DTL: variants seen among roughly 807,000 people sequenced by gnomAD.
DTL encodes the protein denticleless protein homolog.
Under a neutral mutation model 87.0 loss-of-function variants are expected in DTL, and 46 were observed. The observed-to-expected ratio is 0.53, with a 90% CI of 0.42 to 0.68. The LOEUF is 0.68. DTL is among the 30% of genes least tolerant of loss of function. DTL has a pLI of 0.00. For missense variants in DTL, 737 were observed against 869.4 expected (o/e 0.85, Z 1.91); for synonymous variants, 308 against 311.2 (o/e 0.99, Z 0.11).
chr1:212,093,908 C>T (rs894540290), intron 13 of DTL, among the ~76,000 whole-genome samples: 9 of 152,280 alleles, frequency 5.9e-5, no homozygotes, highest in Middle Eastern at 3.4e-3. Flanking sequence ...CACTTCCCTT[C>T]CCCCATTCCG....
chr1:212,060,722 G>A, intron 5 of DTL, among the ~76,000 whole-genome samples: 1 of 143,142 alleles, frequency 7.0e-6, no homozygotes. Context: ...TTGACACAGT[G>A]AGACTCAGTC....
intron 13 of DTL, among the ~76,000 whole-genome samples, chr1:212,094,752 A>G (rs550540206): frequency 6.6e-6 from 1 of 152,052 alleles, no homozygotes; most frequent in Non-Finnish European, 1.5e-5. Context: ...GTGTTTTTCC[A>G]TTTGTTTGTG....
Position 212,067,406 on chromosome 1 carries a change from A to G in DTL, c.713+521A>G, listed in dbSNP as rs78687580. On this transcript the variant is annotated intron_variant, in intron 8 of 14. Coordinates refer to ENST00000366991, the MANE Select transcript of DTL (RefSeq NM_016448.4). ...TAGTCTGAATTCTTGGCTTCCAAAT[A>G]AGTCTGCTCTGTGATGCTTGTTGAT... Among the ~76,000 whole-genome samples the G allele has an allele frequency of 4.3e-3, 660 of 152,308 alleles. 4 individuals are homozygous for G. Among genetic ancestry groups the G allele is most frequent in the African/African-American group, 0.015 (637 of 41,578 alleles).
intron 5 of DTL, among the ~76,000 whole-genome samples, chr1:212,058,421 C>T (rs912190287): frequency 2.6e-5 from 4 of 151,880 alleles, no homozygotes; most frequent in Admixed American, 6.6e-5. Flanking sequence ...ACTACAAATA[C>T]GTGGAAATTA....
intron 10 of DTL, among the ~76,000 whole-genome samples, chr1:212,069,790 C>A (rs1654617748): frequency 6.6e-6 from 1 of 151,894 alleles, no homozygotes; most frequent in Non-Finnish European, 1.5e-5. Flanking sequence ...ATGATCCACC[C>A]ACCTCAGCCT....
At chr1:212,065,692 T>C (rs1164385711) in intron 7 of DTL, among the ~76,000 whole-genome samples, 1 of 152,202 alleles carries the variant, frequency 6.6e-6, no homozygotes, top group Non-Finnish European at 1.5e-5. Context: ...GTTTTCGTAA[T>C]ACAAACTACA....
At chr1:212,037,646 A>G (rs1162976014) in intron 1 of DTL, among the ~76,000 whole-genome samples, 2 of 152,262 alleles carry the variant, frequency 1.3e-5, no homozygotes, top group African/African-American at 4.8e-5. Context: ...AGTACTTTTA[A>G]TATTAAATGT....
At chr1:212,076,797 G>C (rs773679042) in intron 11 of DTL, among the ~76,000 whole-genome samples, 3 of 152,180 alleles carry the variant, frequency 2.0e-5, no homozygotes, top group Non-Finnish European at 4.4e-5. Context: ...TCTAAAATAT[G>C]TTACATTGTG....
chr1:212,096,033 AT>A (rs1655435748), intron 13 of DTL, among the ~76,000 whole-genome samples: 1 of 152,080 alleles, frequency 6.6e-6, no homozygotes, highest in Non-Finnish European at 1.5e-5. Flanking sequence ...TTTTATTACC[AT>A]TTCAATCTAA....
Position 212,068,345 on chromosome 1 carries a change from CT to C in DTL, c.817+22del. 2 of 1,425,900 alleles carry C rather than the reference CT, an allele frequency of 1.4e-6. No individual in the cohort carries two copies. Among genetic ancestry groups the C allele is most frequent in the East Asian group, 2.3e-5 (1 of 43,286 alleles). The allele number at this position is 1,425,900 out of a possible 1,614,324, so 88.3% of individuals were successfully genotyped here. ...AAAACTTGGTAAGCCTTTAATAGGT[CT>C]TTTGGGGGAGATAAGAGTTTTTGTT... On this transcript the variant is annotated intron_variant, in intron 9 of 14. Coordinates refer to ENST00000366991, the MANE Select transcript of DTL (RefSeq NM_016448.4).
Position 212,061,262 on chromosome 1 carries a change from A to G in DTL, c.461-1622A>G, listed in dbSNP as rs535913611. ...GATCCTGTCTCAAAAAAAAAAAAAA[A>G]GTAGGCAAAGACCATGAATAGACAT... is the stretch of plus-strand genomic sequence containing the variant. On this transcript the variant is annotated intron_variant, in intron 5 of 14. Coordinates refer to ENST00000366991, the MANE Select transcript of DTL (RefSeq NM_016448.4). Among the ~76,000 whole-genome samples, 9 of 151,964 alleles carry G rather than the reference A, an allele frequency of 5.9e-5. No homozygotes were observed. The East Asian group carries it at 7.7e-4, about 13-fold the overall frequency.
chr1:212,091,731 A>G (rs1327239652), intron 13 of DTL, among the ~76,000 whole-genome samples: 5 of 152,212 alleles, frequency 3.3e-5, no homozygotes, highest in African/African-American at 9.6e-5. Flanking sequence ...GAATCTTAAA[A>G]AGTTGAACTC....
At chr1:212,041,904 A>T (rs1306066997) in intron 1 of DTL, among the ~76,000 whole-genome samples, 1 of 152,146 alleles carries the variant, frequency 6.6e-6, no homozygotes, top group African/African-American at 2.4e-5. Flanking sequence ...TTAAATTTGG[A>T]TTAAATTTCT....
chr1:212,045,951 G>GTAT (rs1667797211), intron 3 of DTL, among the ~76,000 whole-genome samples: 1 of 151,946 alleles, frequency 6.6e-6, no homozygotes, highest in Non-Finnish European at 1.5e-5. Flanking sequence ...TGTTGTTGTT[G>GTAT]TATTTTTGGT....
intron 8 of DTL, among the ~76,000 whole-genome samples, chr1:212,067,789 T>C (rs554246409): frequency 6.6e-6 from 1 of 152,328 alleles, no homozygotes; most frequent in Admixed American, 6.5e-5. Context: ...AAAAATACTT[T>C]ATTTCACAGA....
intron 11 of DTL, among the ~76,000 whole-genome samples, chr1:212,072,759 T>C (rs542009407): frequency 0.011 from 1,096 of 101,452 alleles, 12 homozygotes; most frequent in Middle Eastern, 0.026. Flanking sequence ...TATTTACTAA[T>C]CTTTTTTTTT....
chr1:212,075,769 G>A (rs1427528794), intron 11 of DTL, among the ~76,000 whole-genome samples: 1 of 151,998 alleles, frequency 6.6e-6, no homozygotes, highest in East Asian at 1.9e-4. Flanking sequence ...AGTTTACAAT[G>A]GAGTAGTTAC....
chr1:212,041,860 T>C (rs1176944163), intron 1 of DTL, among the ~76,000 whole-genome samples: 1 of 152,150 alleles, frequency 6.6e-6, no homozygotes, highest in African/African-American at 2.4e-5. Context: ...TGATATGTGA[T>C]GCTGAAATTA....
At chr1:212,064,825 C>A in intron 6 of DTL, 92 bp from the exon 7 acceptor site, 1 of 1,060,568 alleles carries the variant, frequency 9.4e-7, no homozygotes, top group Non-Finnish European at 1.4e-6. Flanking sequence ...CCAACTTGGT[C>A]AAAAATTACT....
Sources: allele counts gnomAD v4.1 joint callset (sites outside exome capture counted in the v4.1 genomes callset), GRCh38; gene constraint gnomAD v4.1.1; transcripts MANE v1.5; gene names NCBI Gene and HGNC (gene_info 2026-07-23, HGNC 2026-07-21).